Variants in HS2ST1 observed in about 807,000 individuals in gnomAD.
HS2ST1 encodes 2-O-sulfotransferase.
In HS2ST1, 18 loss-of-function variants were observed where a neutral mutation model predicts 42.9. The observed-to-expected ratio is 0.42, with a 90% CI of 0.29 to 0.62. The LOEUF (loss-of-function observed/expected upper bound fraction) is 0.62, where lower values mean the gene tolerates loss of function less well. Among genes scored for constraint, HS2ST1 ranks in the 20% least tolerant of loss-of-function variants. The pLI, the probability that HS2ST1 is intolerant of heterozygous loss-of-function variation, is 0.21. For synonymous variants in HS2ST1, 146 were observed against 152.9 expected (o/e 0.95, Z 0.33); for missense variants, 334 against 433.8 (o/e 0.77, Z 2.04).
chr1:87,084,178 T>G lies in HS2ST1; in HGVS notation c.364-16T>G. The stretch of plus-strand genomic sequence containing the variant: ...TTCTTTAAATTGTATATAATGAATG[T>G]GTTCTCCCTTTTTAGGTGCGCTTTG... On this transcript the variant is annotated splice_polypyrimidine_tract_variant and intron_variant, in intron 2 of 6. Transcript: ENST00000370550. The G allele has an allele frequency of 6.7e-7, 1 of 1,482,082 alleles. No homozygotes were observed. The highest frequency in any genetic ancestry group is 9.3e-7 in the Non-Finnish European group (1 of 1,077,566). 91.8% of individuals were successfully genotyped at this position (1,482,082 alleles called of 1,614,324 possible).
At chr1:87,072,508 T>C (rs1479612174) in intron 1 of HS2ST1, among the ~76,000 whole-genome samples, 1 of 150,266 alleles carries the variant, frequency 6.7e-6, no homozygotes, top group Non-Finnish European at 1.5e-5. Context: ...TTTGTGTGTT[T>C]GAGAATTAGT....
intron 1 of HS2ST1, among the ~76,000 whole-genome samples, chr1:87,039,744 C>T (rs936096566): frequency 7.2e-5 from 11 of 152,198 alleles, no homozygotes; most frequent in Non-Finnish European, 1.5e-4. Flanking sequence ...GCTTCAGTTG[C>T]TTCATCTTTA....
chr1:86,973,202 A>T (rs1648287996), intron 1 of HS2ST1, among the ~76,000 whole-genome samples: 2 of 150,814 alleles, frequency 1.3e-5, no homozygotes, highest in Non-Finnish European at 2.9e-5. Flanking sequence ...TTTTTTTTTT[A>T]ATTTGTGTAA....
intron 1 of HS2ST1, among the ~76,000 whole-genome samples, chr1:86,941,401 C>T (rs74099359): frequency 0.12 from 17,982 of 151,924 alleles, 1,741 homozygotes; most frequent in African/African-American, 0.26. Flanking sequence ...ATTTTCTCCC[C>T]AATTATTTAC....
rs1416507926 is a variant in HS2ST1 at position 87,019,390 on chromosome 1, A to G, written c.125-53544A>G. ...TTGATCCGTTAAAACTATTACATGCAATGTCAGAGTTTGTATGTTGTAGAT... is the reference window on the plus strand; with the variant it reads ...TTGATCCGTTAAAACTATTACATGCGATGTCAGAGTTTGTATGTTGTAGAT... On this transcript the variant is annotated intron_variant, in intron 1 of 6. Transcript: ENST00000370550. 2.6e-5 allele frequency among the ~76,000 whole-genome samples: 4 copies of G among 152,204 alleles called. No homozygotes were observed. The East Asian group carries it at 7.7e-4, about 29-fold the overall frequency.
intron 1 of HS2ST1, among the ~76,000 whole-genome samples, chr1:87,054,241 A>T (rs1650904309): frequency 6.6e-6 from 1 of 152,196 alleles, no homozygotes; most frequent in Non-Finnish European, 1.5e-5. Context: ...ACAGGGCTTC[A>T]TTCTCCATTG....
At chr1:87,063,900 A>G (rs1469616314) in intron 1 of HS2ST1, among the ~76,000 whole-genome samples, 1 of 152,144 alleles carries the variant, frequency 6.6e-6, no homozygotes, top group East Asian at 1.9e-4. Context: ...TTTGTATTAT[A>G]AGACTCTGGG....
At chr1:87,090,306 C>T (rs910794928) in intron 3 of HS2ST1, among the ~76,000 whole-genome samples, 5 of 151,936 alleles carry the variant, frequency 3.3e-5, no homozygotes, top group African/African-American at 4.8e-5. Flanking sequence ...GTCCCTGCCC[C>T]GGTGGAACTT....
chr1:87,010,027 T>C (rs549379546), intron 1 of HS2ST1, among the ~76,000 whole-genome samples: 15 of 137,880 alleles, frequency 1.1e-4, no homozygotes, highest in African/African-American at 3.7e-4. Context: ...AAAGGGAGAC[T>C]CTGTCTCAAA....
chr1:86,915,221 C>T (rs1660119060), intron 1 of HS2ST1, 61 bp downstream of exon 1: 2 of 1,543,042 alleles, frequency 1.3e-6, no homozygotes, highest in South Asian at 2.5e-5. Flanking sequence ...GCGCTGCCGC[C>T]GGAGCAAGTG....
At chr1:86,916,550 A>G (rs1434133536) in intron 1 of HS2ST1, among the ~76,000 whole-genome samples, 1 of 152,236 alleles carries the variant, frequency 6.6e-6, no homozygotes, top group African/African-American at 2.4e-5. Context: ...GAGGAAAACT[A>G]GAGTTACTTC....
At chr1:86,992,605 G>A (rs1461580802) in intron 1 of HS2ST1, among the ~76,000 whole-genome samples, 2 of 152,056 alleles carry the variant, frequency 1.3e-5, no homozygotes, top group African/African-American at 2.4e-5. Context: ...CTGGTGATCT[G>A]CACGCCTCGG....
intron 1 of HS2ST1, among the ~76,000 whole-genome samples, chr1:86,929,893 A>G (rs1660508788): frequency 6.6e-6 from 1 of 151,852 alleles, no homozygotes; most frequent in African/African-American, 2.4e-5. Flanking sequence ...TTTTTCACTC[A>G]AATACAGAAC....
chr1:87,091,817 CAAGGGTTGCT>C (rs1651952408), intron 3 of HS2ST1, among the ~76,000 whole-genome samples: 1 of 151,986 alleles, frequency 6.6e-6, no homozygotes, highest in Admixed American at 6.6e-5. Context: ...CTAGGGTTTG[CAAGGGTTGCT>C]AAAGTAAAAT....
At chr1:87,082,325 C>A (rs1404961473) in intron 2 of HS2ST1, among the ~76,000 whole-genome samples, 1 of 152,204 alleles carries the variant, frequency 6.6e-6, no homozygotes, top group East Asian at 1.9e-4. Context: ...TGAATTTGTA[C>A]CTGACTCTTA....
intron 1 of HS2ST1, among the ~76,000 whole-genome samples, chr1:86,918,485 T>A (rs1660215523): frequency 6.6e-6 from 1 of 151,946 alleles, no homozygotes; most frequent in African/African-American, 2.4e-5. Flanking sequence ...TGCGTGTGTA[T>A]ATATACATAT....
chr1:86,999,332 C>T (rs537122333), intron 1 of HS2ST1, among the ~76,000 whole-genome samples: 1 of 152,244 alleles, frequency 6.6e-6, no homozygotes, highest in South Asian at 2.1e-4. Context: ...GCATGCACCG[C>T]CATGCCCAGC....
intron 1 of HS2ST1, among the ~76,000 whole-genome samples, chr1:87,068,174 G>T (rs1651302518): frequency 6.6e-6 from 1 of 152,112 alleles, no homozygotes; most frequent in Admixed American, 6.6e-5. Flanking sequence ...CCATTTTCAT[G>T]ATACTGATTC....
chr1:87,108,308 A>G lies in HS2ST1; in HGVS notation c.*3612A>G, dbSNP rs892140798. The G allele has an allele frequency of 6.6e-6, 1 of 152,072 alleles. No homozygotes were observed. The highest frequency in any genetic ancestry group is 2.4e-5 in the African/African-American group (1 of 41,432). The allele number at this position is 152,072 out of a possible 1,614,324, so 9.4% of individuals were successfully genotyped here. On this transcript the variant is annotated 3_prime_UTR_variant, in exon 7 of 7. Transcript: ENST00000370550. ...GTAAATCATCTAACTGGATTTTTCC[A>G]TTGGTCATTCCCAAACACACCTATG... is the stretch of plus-strand genomic sequence containing the variant.
Sources: gnomAD v4.1 joint callset for allele counts (sites outside exome capture counted in the v4.1 genomes callset) on GRCh38, gnomAD v4.1.1 for gene constraint, MANE v1.5 for transcripts, NCBI Gene and HGNC (gene_info 2026-07-23, HGNC 2026-07-21) for gene names.